The following CLCC1 variants were observed in gnomAD, a reference collection of about 807,000 sequenced individuals.
CLCC1 encodes chloride channel CLIC like 1, also known as chloride channel CLIC-like protein 1.
A neutral mutation model predicts 63.3 loss-of-function variants in CLCC1; 39 were observed. The ratio of observed to expected loss-of-function variants is 0.62; its 90% CI spans 0.48 to 0.81. The LOEUF (loss-of-function observed/expected upper bound fraction) is 0.81. Among genes scored for constraint, CLCC1 ranks in the 30% least tolerant of loss-of-function variants. CLCC1 has a pLI of 0.00. For missense variants in CLCC1, 549 were observed against 669.4 expected (o/e 0.82, Z 1.98); for synonymous variants, 217 against 239.8 (o/e 0.90, Z 0.88).
chr1:108,930,165 C>T lies in CLCC1; in HGVS notation c.*2382G>A. 1 of 506,144 alleles carries T rather than the reference C, an allele frequency of 2.0e-6. No homozygotes were observed. The highest frequency in any genetic ancestry group is 3.5e-6 in the Non-Finnish European group (1 of 286,762). The allele number at this position is 506,144 out of a possible 1,614,324, so 31.4% of individuals were successfully genotyped here. A position where few individuals can be genotyped will look rare whatever the true frequency, so the allele number is the denominator to read the frequency against. On this transcript the variant is annotated 3_prime_UTR_variant, in exon 13 of 13. Transcript: ENST00000369969. ...GGTGCTTCATCGTCTGTGATTACTG[C>T]TTGGGATGTGTTCTTTGGCAGCTTG...
At chr1:108,945,682 TA>T (rs1481526967) in intron 5 of CLCC1, among the ~76,000 whole-genome samples, 2 of 152,218 alleles carry the variant, frequency 1.3e-5, no homozygotes, top group African/African-American at 2.4e-5. Flanking sequence ...TCAGATAGCC[TA>T]AAATCTGTAT....
intron 2 of CLCC1, among the ~76,000 whole-genome samples, chr1:108,959,300 G>A (rs1245853288): frequency 6.6e-6 from 1 of 151,964 alleles, no homozygotes; most frequent in Non-Finnish European, 1.5e-5. Context: ...GTTGCAGAGA[G>A]CTGAGAGCAC....
rs1434597539 is a variant in CLCC1, at chr1:108,934,721, T to C, written c.1605A>G (p.Arg535=). The change falls in exon 12 of 13, where the codon AGA becomes AGG. Residue 535 remains arginine (R), a synonymous_variant. Transcript: ENST00000369969. ...PDQGSTYSPA[R]GVAGPRGQDP... is the part of the protein sequence containing the mutation. ...CCTGTCCACGTGGTCCAGCCACACC[T>C]CTTGCGGGGCTGTATGTGCTGCCTT... is the stretch of plus-strand genomic sequence containing the variant. 1 of 1,613,938 alleles carries C rather than the reference T, an allele frequency of 6.2e-7. No individual in the cohort carries two copies. Among genetic ancestry groups the C allele is most frequent in the South Asian group, 1.1e-5 (1 of 91,076 alleles).
At chr1:108,953,291 A>G (rs1290334524) in intron 2 of CLCC1, among the ~76,000 whole-genome samples, 1 of 152,192 alleles carries the variant, frequency 6.6e-6, no homozygotes, top group Admixed American at 6.5e-5. Flanking sequence ...GAAGCAATGA[A>G]ATTAGCCATT....
In CLCC1 at chr1:108,963,429, GC is replaced by G. The variant is rs757772398; in HGVS notation, c.-242del. On this transcript the variant is annotated 5_prime_UTR_variant, in exon 1 of 13. It removes the in-frame stop codon of an upstream open reading frame in the 5' UTR. Transcript: ENST00000369969. ...GGCCGGCCGCAGAAGAGGTCGCACAGCTTGCCGCCGCCCAGGGTTTCAGCGT... is the reference window on the plus strand; with the variant it reads ...GGCCGGCCGCAGAAGAGGTCGCACAGTTGCCGCCGCCCAGGGTTTCAGCGT... The G allele has an allele frequency of 1.4e-6, 1 of 702,458 alleles. No individual in the cohort carries two copies. Among genetic ancestry groups the G allele is most frequent in the South Asian group, 1.5e-5 (1 of 67,600 alleles). The allele number at this position is 702,458 out of a possible 1,614,324, so 43.5% of individuals were successfully genotyped here.
intron 10 of CLCC1, among the ~76,000 whole-genome samples, chr1:108,939,208 T>TAAATATATATTATATATAATA (rs1557892388): frequency 2.1e-5 from 3 of 145,808 alleles, no homozygotes; most frequent in African/African-American, 5.0e-5. Context: ...TATAAATATA[T>TAAATATATATTATATATAATA]AATATATAAA....
chr1:108,936,655 T>C (rs1334166549), intron 11 of CLCC1, among the ~76,000 whole-genome samples: 5 of 152,206 alleles, frequency 3.3e-5, no homozygotes, highest in Admixed American at 3.3e-4. Context: ...CACTGAAGAT[T>C]TGGGGAAGCA....
chr1:108,951,346 C>T (rs1435387327), intron 2 of CLCC1, among the ~76,000 whole-genome samples: 6 of 152,218 alleles, frequency 3.9e-5, no homozygotes, highest in Non-Finnish European at 8.8e-5. Context: ...CACACCACTG[C>T]ACCCCAACCT....
intron 2 of CLCC1, among the ~76,000 whole-genome samples, chr1:108,957,313 G>A (rs866825318): frequency 6.6e-6 from 1 of 151,290 alleles, no homozygotes; most frequent in African/African-American, 2.5e-5. Context: ...CCAACCCAAC[G>A]GATAGAAGGG....
chr1:108,936,513 T>TAA (rs1653026492), intron 11 of CLCC1, among the ~76,000 whole-genome samples: 1 of 152,242 alleles, frequency 6.6e-6, no homozygotes, highest in Non-Finnish European at 1.5e-5. Flanking sequence ...AGCTGCAATT[T>TAA]AAACATTTCA....
In CLCC1 at chr1:108,931,642, A is replaced by AAAAGTT; in HGVS notation, c.*904_*905insAACTTT. The AAAAGTT allele has an allele frequency of 3.8e-6, 4 of 1,064,302 alleles. No individual in the cohort carries two copies. Among genetic ancestry groups the AAAAGTT allele is most frequent in the Non-Finnish European group, 5.1e-6 (4 of 778,536 alleles). 65.9% of individuals were successfully genotyped at this position (1,064,302 alleles called of 1,614,324 possible). On this transcript the variant is annotated 3_prime_UTR_variant, in exon 13 of 13. Coordinates refer to ENST00000369969, the MANE Select transcript of CLCC1 (RefSeq NM_001377458.1). The stretch of plus-strand genomic sequence containing the variant: ...AAGTGCTCAGCTAAAAAAAAAAAAA[A>AAAAGTT]AGTTCTAAATTACAACCTGGATTAC...
Position 108,930,495 on chromosome 1 carries a change from T to A in CLCC1, c.*2052A>T, listed in dbSNP as rs1445423137. On this transcript the variant is annotated 3_prime_UTR_variant, in exon 13 of 13. Coordinates refer to ENST00000369969, the MANE Select transcript of CLCC1 (RefSeq NM_001377458.1). ...TTCTTGGGCTGGGCATGGTGGCTCA[T>A]TCCTGTAATCCCAGCACATTGGGAG... 1 of 152,878 alleles carries A rather than the reference T, an allele frequency of 6.5e-6. No homozygotes were observed. The highest frequency in any genetic ancestry group is 2.4e-5 in the African/African-American group (1 of 41,220). The allele number at this position is 152,878 out of a possible 1,614,324, so 9.5% of individuals were successfully genotyped here.
chr1:108,962,977 C>T (rs1656862636), intron 1 of CLCC1, among the ~76,000 whole-genome samples: 1 of 152,152 alleles, frequency 6.6e-6, no homozygotes, highest in South Asian at 2.1e-4. Context: ...TTAACTACAA[C>T]TAAATCCGAG....
At chr1:108,939,975 A>T (rs997929110) in intron 9 of CLCC1, 70 bp downstream of exon 9, 3 of 1,356,940 alleles carry the variant, frequency 2.2e-6, no homozygotes, top group East Asian at 2.3e-5. Context: ...TGACTCAAAC[A>T]CTAAAGTTCT....
At chr1:108,932,533 A>T (rs2101595489) in intron 12 of CLCC1, 32 bp from the exon 13 acceptor site, 1 of 152,368 alleles carries the variant, frequency 6.6e-6, no homozygotes, top group East Asian at 1.9e-4. Context: ...GTGAAATTTT[A>T]TTTAAAAATT....
rs140374594 is a variant in CLCC1 at position 108,942,246 on chromosome 1, GCAA to G, written c.703-751_703-749del. 1.5e-3 allele frequency among the ~76,000 whole-genome samples: 232 copies of G among 152,044 alleles called. 1 individual carries two copies. The highest frequency in any genetic ancestry group is 4.8e-3 in the African/African-American group (200 of 41,458). On this transcript the variant is annotated intron_variant, in intron 7 of 12. Coordinates refer to ENST00000369969, the MANE Select transcript of CLCC1 (RefSeq NM_001377458.1). ...GAGTGAGACTGTCTCAAAAACAACA[GCAA>G]CAACAACAACAATTAGTTCTAGCCA...
At chr1:108,932,541 A>T (rs1652173175) in intron 12 of CLCC1, 40 bp from the exon 13 acceptor site, 1 of 152,214 alleles carries the variant, frequency 6.6e-6, no homozygotes, top group Non-Finnish European at 1.5e-5. Flanking sequence ...TTATTTAAAA[A>T]TTTTTTAAAA....
chr1:108,932,784 A>ATTTGT (rs1652230312), intron 12 of CLCC1: 1 of 152,218 alleles, frequency 6.6e-6, no homozygotes, highest in African/African-American at 2.4e-5. Context: ...GTCAGGATTC[A>ATTTGT]TTTGTTAAAC....
chr1:108,939,928 A>G (rs1642916232), intron 9 of CLCC1, 117 bp downstream of exon 9: 2 of 1,276,068 alleles, frequency 1.6e-6, no homozygotes, highest in East Asian at 4.8e-5. Flanking sequence ...TCACTGTGCA[A>G]AAGTATTTTT....
Sources: gnomAD v4.1 joint callset for allele counts (sites outside exome capture counted in the v4.1 genomes callset) on GRCh38, gnomAD v4.1.1 for gene constraint, MANE v1.5 for transcripts, NCBI Gene and HGNC (gene_info 2026-07-23, HGNC 2026-07-21) for gene names.